CNTNAP5: variants seen among roughly 807,000 people sequenced by gnomAD.
CNTNAP5 encodes contactin associated protein family member 5.
CNTNAP5 carries 72 observed loss-of-function variants against 150.2 expected under a neutral mutation model. The ratio of observed to expected loss-of-function variants is 0.48; its 90% confidence interval spans 0.40 to 0.58. The LOEUF is 0.58. CNTNAP5 is among the 20% of genes least tolerant of loss of function. The pLI, the probability that CNTNAP5 is intolerant of heterozygous loss-of-function variation, is 0.00. For missense variants in CNTNAP5, 1,636 were observed against 1,626.2 expected (o/e 1.01, Z -0.10); for synonymous variants, 672 against 619.8 (o/e 1.08, Z -1.25).
intron 1 of CNTNAP5, among the ~76,000 whole-genome samples, chr2:124,132,233 G>T (rs1487202168): frequency 6.6e-6 from 1 of 152,126 alleles, no homozygotes; most frequent in African/African-American, 2.4e-5. Flanking sequence ...TTGACAGTTT[G>T]CTGAGTATAA....
intron 20 of CNTNAP5, among the ~76,000 whole-genome samples, chr2:124,866,890 C>A (rs1677643570): frequency 6.6e-6 from 1 of 152,186 alleles, no homozygotes. Context: ...TGTCTTAACT[C>A]TGAGCAGATG....
At chr2:124,737,505 C>G (rs573334905) in intron 13 of CNTNAP5, among the ~76,000 whole-genome samples, 2 of 152,078 alleles carry the variant, frequency 1.3e-5, no homozygotes, top group East Asian at 3.9e-4. Context: ...GGGCAGGGCA[C>G]AGGCTGGATT....
intron 3 of CNTNAP5, among the ~76,000 whole-genome samples, chr2:124,368,507 G>C (rs559630370): frequency 6.6e-6 from 1 of 152,022 alleles, no homozygotes; most frequent in Non-Finnish European, 1.5e-5. Context: ...ACTTCACATG[G>C]ACAAACTCAT....
chr2:124,352,057 T>C (rs528830810), intron 3 of CNTNAP5, among the ~76,000 whole-genome samples: 1 of 152,210 alleles, frequency 6.6e-6, no homozygotes, highest in South Asian at 2.1e-4. Context: ...GCTATTTCTT[T>C]AGAGAAAATT....
chr2:124,307,402 C>T (rs1046892742), intron 3 of CNTNAP5, among the ~76,000 whole-genome samples: 7 of 152,252 alleles, frequency 4.6e-5, no homozygotes, highest in South Asian at 4.1e-4. Flanking sequence ...CTTCAACATA[C>T]GATTTGGGGA....
At chr2:124,241,198 A>G (rs1686877604) in intron 2 of CNTNAP5, among the ~76,000 whole-genome samples, 1 of 152,152 alleles carries the variant, frequency 6.6e-6, no homozygotes, top group Non-Finnish European at 1.5e-5. Context: ...AATTTAGGCT[A>G]CAAGTCTTTC....
intron 13 of CNTNAP5, among the ~76,000 whole-genome samples, chr2:124,746,075 A>C (rs1680596983): frequency 6.6e-6 from 1 of 152,238 alleles, no homozygotes; most frequent in Non-Finnish European, 1.5e-5. Flanking sequence ...GCTATTATTC[A>C]CTGTAAAATT....
intron 17 of CNTNAP5, among the ~76,000 whole-genome samples, chr2:124,784,438 T>C (rs1370239002): frequency 3.9e-5 from 6 of 152,126 alleles, no homozygotes; most frequent in South Asian, 2.1e-4. Flanking sequence ...AGAATGATGA[T>C]AGTGAAGTTT....
At chr2:124,660,862 T>A (rs1404645379) in intron 13 of CNTNAP5, among the ~76,000 whole-genome samples, 2 of 149,952 alleles carry the variant, frequency 1.3e-5, no homozygotes, top group African/African-American at 4.9e-5. Flanking sequence ...AAGAATCACT[T>A]GAACCCGGAA....
intron 6 of CNTNAP5, among the ~76,000 whole-genome samples, chr2:124,463,919 A>G (rs1453094219): frequency 1.3e-5 from 2 of 151,974 alleles, no homozygotes; most frequent in Non-Finnish European, 2.9e-5. Context: ...AAGCTGCTAA[A>G]CCTCTGTATG....
intron 2 of CNTNAP5, among the ~76,000 whole-genome samples, chr2:124,223,665 G>C (rs538032725): frequency 1.3e-5 from 2 of 151,844 alleles, no homozygotes; most frequent in South Asian, 2.1e-4. Context: ...GGAAGCTGTG[G>C]GTCTGATCAC....
In CNTNAP5 at chr2:124,914,595, A is replaced by G. The variant is rs1393073015; in HGVS notation, c.*307A>G. 8.6e-6 allele frequency: 2 copies of G among 233,088 alleles called. No individual in the cohort carries two copies. Among genetic ancestry groups the G allele is most frequent in the Non-Finnish European group, 1.7e-5 (2 of 118,576 alleles). 14.4% of individuals were successfully genotyped at this position (233,088 alleles called of 1,614,324 possible). The stretch of plus-strand genomic sequence containing the variant: ...CCTGCATGTTCAGTTCTGTACTTCC[A>G]GTTTCTAAAATGCACTGTTCAGTTT... On this transcript the variant is annotated 3_prime_UTR_variant, in exon 24 of 24. Coordinates refer to ENST00000682447, the MANE Select transcript of CNTNAP5 (RefSeq NM_001367498.1).
chr2:124,789,806 A>G, intron 17 of CNTNAP5, 96 bp from the exon 18 acceptor site: 2 of 1,124,668 alleles, frequency 1.8e-6, no homozygotes, highest in East Asian at 5.0e-5. Flanking sequence ...TCATGACAAC[A>G]GAGAACTACT....
Position 124,068,814 on chromosome 2 carries a change from C to T in CNTNAP5, c.82+43082C>T, listed in dbSNP as rs146187943. Reference sequence around the variant, plus strand: ...CAGGCAGAGTTCTGAGGCCCCTATCCCAGGCCCTAGCTCCCAGACAACATT... The same window carrying T: ...CAGGCAGAGTTCTGAGGCCCCTATCTCAGGCCCTAGCTCCCAGACAACATT... On this transcript the variant is annotated intron_variant, in intron 1 of 23. Transcript: ENST00000682447. 3.6e-3 allele frequency among the ~76,000 whole-genome samples: 542 copies of T among 151,964 alleles called. 3 individuals are homozygous for T. The highest frequency in any genetic ancestry group is 0.013 in the African/African-American group (521 of 41,480).
intron 19 of CNTNAP5, among the ~76,000 whole-genome samples, chr2:124,805,718 T>G (rs183060943): frequency 6.6e-6 from 1 of 152,320 alleles, no homozygotes; most frequent in East Asian, 1.9e-4. Flanking sequence ...AACAACAATT[T>G]ATTTTCTAAC....
At chr2:124,653,345 T>C (rs771663851) in intron 13 of CNTNAP5, among the ~76,000 whole-genome samples, 1 of 151,806 alleles carries the variant, frequency 6.6e-6, no homozygotes, top group African/African-American at 2.4e-5. Flanking sequence ...TACATAATAA[T>C]CTAGACTATA....
intron 13 of CNTNAP5, among the ~76,000 whole-genome samples, chr2:124,727,100 C>A (rs1216934800): frequency 6.6e-6 from 1 of 152,104 alleles, no homozygotes; most frequent in African/African-American, 2.4e-5. Flanking sequence ...ACTGACCTTT[C>A]ACCATGTTTT....
At chr2:124,758,083 C>T (rs1464053248) in intron 14 of CNTNAP5, among the ~76,000 whole-genome samples, 3 of 152,220 alleles carry the variant, frequency 2.0e-5, no homozygotes, top group African/African-American at 7.2e-5. Flanking sequence ...CAGTTTATGT[C>T]ACCAGCCCCA....
intron 3 of CNTNAP5, among the ~76,000 whole-genome samples, chr2:124,393,102 C>G (rs1691162179): frequency 6.6e-6 from 1 of 152,054 alleles, no homozygotes; most frequent in Admixed American, 6.6e-5. Flanking sequence ...AATGGGAGAA[C>G]CTCTTTAAGT....
Sources: gnomAD v4.1 joint callset for allele counts (sites outside exome capture counted in the v4.1 genomes callset) on GRCh38, gnomAD v4.1.1 for gene constraint, MANE v1.5 for transcripts, NCBI Gene and HGNC (gene_info 2026-07-23, HGNC 2026-07-21) for gene names.